Variants in ARHGEF12 observed in about 807,000 individuals in gnomAD.
ARHGEF12 encodes the protein Rho guanine nucleotide exchange factor 12.
ARHGEF12 carries 66 observed loss-of-function variants against 211.2 expected under a neutral mutation model. The ratio of observed to expected loss-of-function variants is 0.31; its 90% CI spans 0.26 to 0.38. The LOEUF is 0.38. ARHGEF12 is among the 10% of genes least tolerant of loss of function. The pLI is 1.00. For synonymous variants in ARHGEF12, 592 were observed against 638.4 expected (o/e 0.93, Z 1.09); for missense variants, 1,429 against 1,869.5 (o/e 0.76, Z 4.34).
At chr11:120,393,410 G>A (rs961213037) in intron 1 of ARHGEF12, among the ~76,000 whole-genome samples, 3 of 152,026 alleles carry the variant, frequency 2.0e-5, no homozygotes, top group Non-Finnish European at 4.4e-5. Flanking sequence ...AAACAGCAAA[G>A]CCCAACTGTA....
At chr11:120,434,320 A>G (rs1329608476) in intron 11 of ARHGEF12, among the ~76,000 whole-genome samples, 8 of 152,216 alleles carry the variant, frequency 5.3e-5, no homozygotes, top group Non-Finnish European at 8.8e-5. Flanking sequence ...AAAAAGCAGT[A>G]TCACCATTTC....
intron 1 of ARHGEF12, among the ~76,000 whole-genome samples, chr11:120,362,358 A>T (rs1271499921): frequency 6.6e-6 from 1 of 152,212 alleles, no homozygotes; most frequent in Non-Finnish European, 1.5e-5. Context: ...TGGACTCACT[A>T]CATTTCCTCT....
At chr11:120,347,151 C>CTTT (rs1296663235) in intron 1 of ARHGEF12, among the ~76,000 whole-genome samples, 2,779 of 58,458 alleles carry the variant, frequency 0.048, 233 homozygotes, top group African/African-American at 0.15. Flanking sequence ...TTCCTTCCTT[C>CTTT]CTTCCTTCCT....
chr11:120,338,097 T>C (rs188136331), intron 1 of ARHGEF12, among the ~76,000 whole-genome samples: 57 of 152,358 alleles, frequency 3.7e-4, no homozygotes, highest in African/African-American at 1.2e-3. Context: ...AAGTTACTCT[T>C]GTTTATAGGG....
At chr11:120,438,079 T>G (rs1945748922) in intron 12 of ARHGEF12, among the ~76,000 whole-genome samples, 2 of 152,220 alleles carry the variant, frequency 1.3e-5, no homozygotes. Flanking sequence ...TGTTTGATCT[T>G]ACGTATTCTT....
intron 1 of ARHGEF12, among the ~76,000 whole-genome samples, chr11:120,372,836 A>G (rs1175141862): frequency 1.3e-5 from 2 of 152,012 alleles, no homozygotes; most frequent in African/African-American, 2.4e-5. Flanking sequence ...TGTCTACTTC[A>G]TAGGACTTCA....
intron 1 of ARHGEF12, among the ~76,000 whole-genome samples, chr11:120,391,442 G>T (rs1052835175): frequency 6.6e-6 from 1 of 152,186 alleles, no homozygotes; most frequent in Non-Finnish European, 1.5e-5. Flanking sequence ...TATCTAGCAG[G>T]GTCTTCCTGC....
chr11:120,451,559 T>C lies in ARHGEF12; in HGVS notation c.1891T>C (p.Ser631Pro), dbSNP rs780165858. Residue 631 changes from serine to proline, a missense_variant, in exon 22 of 41, where the codon TCC (serine) becomes CCC (proline). Ser to Pro is a moderately conservative substitution (Grantham distance 74, BLOSUM62 -1). Coordinates refer to ENST00000397843, the MANE Select transcript of ARHGEF12 (RefSeq NM_015313.3). ...GAAGGCGCGCCACCCTAAGCACTTA[T>C]CCACACCCTCATCTGTGAGTCCTGA... ...LQKARHPKHL[S>P]TPSSVSPEPQ... 11 of 1,614,174 alleles carry C rather than the reference T, an allele frequency of 6.8e-6. No homozygotes were observed. Among genetic ancestry groups the C allele is most frequent in the South Asian group, 6.6e-5 (6 of 91,084 alleles).
intron 1 of ARHGEF12, among the ~76,000 whole-genome samples, chr11:120,345,796 A>G (rs1172835284): frequency 6.6e-6 from 1 of 152,052 alleles, no homozygotes; most frequent in Non-Finnish European, 1.5e-5. Flanking sequence ...AAAAATTAAC[A>G]ATGAATGGGG....
chr11:120,480,221 T>C lies in ARHGEF12; in HGVS notation c.4028T>C (p.Leu1343Pro), dbSNP rs1400348306. 1 of 1,614,222 alleles carries C rather than the reference T, an allele frequency of 6.2e-7. No individual in the cohort carries two copies. Among genetic ancestry groups the C allele is most frequent in the Admixed American group, 1.7e-5 (1 of 60,032 alleles). ...TTTGCTCCACGGGATTCAGTGGGAC[T>C]GGCACCCCAGGATAGCCAGGCAAGT... Reference protein sequence around the residue: ...ESFAPRDSVGLAPQDSQASNI... With the variant: ...ESFAPRDSVGPAPQDSQASNI... Residue 1343 changes from leucine (L) to proline (P), a missense_variant, in exon 38 of 41, where the codon CTG becomes CCG. By Grantham distance (98) the Leu-to-Pro change is moderately conservative. Transcript: ENST00000397843.
intron 7 of ARHGEF12, among the ~76,000 whole-genome samples, chr11:120,426,077 T>C (rs1301211122): frequency 2.0e-5 from 3 of 152,196 alleles, no homozygotes; most frequent in Non-Finnish European, 4.4e-5. Context: ...AATGGTCACT[T>C]TGATCAGCGT....
chr11:120,403,193 G>C (rs903011453), intron 1 of ARHGEF12, among the ~76,000 whole-genome samples: 1 of 152,136 alleles, frequency 6.6e-6, no homozygotes, highest in Non-Finnish European at 1.5e-5. Flanking sequence ...AAATGTAGCT[G>C]TGCTTAATAT....
intron 4 of ARHGEF12, among the ~76,000 whole-genome samples, chr11:120,418,848 G>A (rs1198467286): frequency 1.3e-5 from 2 of 151,810 alleles, no homozygotes; most frequent in Non-Finnish European, 2.9e-5. Context: ...TAAGTATTTT[G>A]CCCCCTTTAA....
intron 1 of ARHGEF12, among the ~76,000 whole-genome samples, chr11:120,362,989 A>G (rs1178294761): frequency 3.9e-5 from 6 of 152,312 alleles, no homozygotes; most frequent in Middle Eastern, 3.4e-3. Flanking sequence ...AGTCCCAGCT[A>G]CTTGGGAGGC....
chr11:120,435,924 C>T (rs991200112), intron 11 of ARHGEF12, among the ~76,000 whole-genome samples: 1 of 152,126 alleles, frequency 6.6e-6, no homozygotes, highest in African/African-American at 2.4e-5. Context: ...GTCAGTATTT[C>T]TGTATTTATT....
chr11:120,361,456 G>T (rs1355467085), intron 1 of ARHGEF12, among the ~76,000 whole-genome samples: 1 of 152,132 alleles, frequency 6.6e-6, no homozygotes, highest in Non-Finnish European at 1.5e-5. Context: ...TCCGTCCCTG[G>T]TGCCAAAAAG....
chr11:120,428,333 G>A (rs1264559571), intron 8 of ARHGEF12, 86 bp downstream of exon 8: 2 of 1,132,490 alleles, frequency 1.8e-6, no homozygotes, highest in Admixed American at 3.1e-5. Flanking sequence ...GTATTCGGCT[G>A]ATGAACTAAT....
chr11:120,362,670 A>G (rs1182344751), intron 1 of ARHGEF12, among the ~76,000 whole-genome samples: 1 of 152,236 alleles, frequency 6.6e-6, no homozygotes, highest in African/African-American at 2.4e-5. Context: ...TATTATTTGG[A>G]AAGTATCTTC....
At chr11:120,409,580 C>A in intron 4 of ARHGEF12, 130 bp downstream of exon 4, 1 of 890,194 alleles carries the variant, frequency 1.1e-6, no homozygotes, top group Non-Finnish European at 1.7e-6. Context: ...CTGTGCATGG[C>A]ATGATCTACT....
Sources: allele counts gnomAD v4.1 joint callset (sites outside exome capture counted in the v4.1 genomes callset), GRCh38; gene constraint gnomAD v4.1.1; transcripts MANE v1.5; gene names NCBI Gene and HGNC (gene_info 2026-07-23, HGNC 2026-07-21).